CTNNA2: variants seen among roughly 807,000 people sequenced by gnomAD.
The protein encoded by CTNNA2 is catenin alpha 2.
A neutral mutation model predicts 101.0 loss-of-function variants in CTNNA2; 42 were observed. The ratio of observed to expected loss-of-function variants is 0.42; its 90% CI spans 0.32 to 0.54. CTNNA2 has a LOEUF of 0.54. Among genes scored for constraint, CTNNA2 ranks in the 20% least tolerant of loss-of-function variants. The pLI, the probability that CTNNA2 is intolerant of heterozygous loss-of-function variation, is 0.14. For synonymous variants in CTNNA2, 450 were observed against 456.4 expected (o/e 0.99, Z 0.18); for missense variants, 871 against 1,223.1 (o/e 0.71, Z 4.29).
intron 9 of CTNNA2, among the ~76,000 whole-genome samples, chr2:80,467,017 G>T (rs1438002623): frequency 1.3e-5 from 2 of 152,166 alleles, no homozygotes; most frequent in East Asian, 3.9e-4. Flanking sequence ...CATCAGTTTA[G>T]CCAAGGAGGT....
intron 1 of CTNNA2, among the ~76,000 whole-genome samples, chr2:79,639,570 GT>G (rs964723567): frequency 9.7e-4 from 147 of 151,122 alleles, no homozygotes; most frequent in African/African-American, 2.9e-3. Context: ...CTCATTAAAA[GT>G]TTTTTTTTCG....
At chr2:79,260,872 G>A (rs1674912754) in intron 2 of CTNNA2, among the ~76,000 whole-genome samples, 1 of 152,078 alleles carries the variant, frequency 6.6e-6, no homozygotes, top group Admixed American at 6.5e-5. Flanking sequence ...GGAAGAAGGG[G>A]GCATTCAAAT....
intron 2 of CTNNA2, among the ~76,000 whole-genome samples, chr2:79,660,325 A>T (rs1201800911): frequency 6.6e-6 from 1 of 150,508 alleles, no homozygotes; most frequent in South Asian, 2.1e-4. Flanking sequence ...ATACATATGT[A>T]TGTGTATGTA....
intron 7 of CTNNA2, among the ~76,000 whole-genome samples, chr2:79,999,002 G>A (rs1236378275): frequency 6.6e-6 from 1 of 152,056 alleles, no homozygotes; most frequent in African/African-American, 2.4e-5. Flanking sequence ...GACAATAGAA[G>A]TCTACTGTTC....
chr2:80,352,053 TG>T (rs769041880), intron 7 of CTNNA2, among the ~76,000 whole-genome samples: 3 of 152,068 alleles, frequency 2.0e-5, no homozygotes, highest in Non-Finnish European at 2.9e-5. Flanking sequence ...CTTCCCAGAG[TG>T]GAACCCTCAT....
At chr2:79,508,971 A>G (rs1281138240), upstream of CTNNA2, among the ~76,000 whole-genome samples, 10 of 21,616 alleles carry the variant, frequency 4.6e-4, no homozygotes, top group Non-Finnish European at 4.6e-4. Flanking sequence ...ATATATATAT[A>G]TATATATATA....
intron 1 of CTNNA2, among the ~76,000 whole-genome samples, chr2:79,551,245 A>G (rs184020114): frequency 3.7e-4 from 57 of 152,302 alleles, no homozygotes; most frequent in African/African-American, 1.3e-3. Context: ...TGCTTTTTCC[A>G]AAGAGGTTTT....
At chr2:80,156,235 C>G (rs2148936361) in intron 7 of CTNNA2, among the ~76,000 whole-genome samples, 1 of 152,294 alleles carries the variant, frequency 6.6e-6, no homozygotes, top group African/African-American at 2.4e-5. Flanking sequence ...TCATTTGAAA[C>G]TCACTGTGAA....
chr2:79,631,257 T>C (rs1679675117), intron 1 of CTNNA2, among the ~76,000 whole-genome samples: 1 of 152,204 alleles, frequency 6.6e-6, no homozygotes, highest in African/African-American at 2.4e-5. Flanking sequence ...AGTTGTCTAC[T>C]TGGGTGTGTA....
chr2:79,376,443 G>C (rs752271486), intron 4 of CTNNA2, among the ~76,000 whole-genome samples: 2 of 79,678 alleles, frequency 2.5e-5, no homozygotes, highest in Non-Finnish European at 5.2e-5. Flanking sequence ...ATAGCCCCTT[G>C]TTGGTTGGTT....
At chr2:79,884,301 A>G (rs939757897) in intron 6 of CTNNA2, among the ~76,000 whole-genome samples, 3 of 152,132 alleles carry the variant, frequency 2.0e-5, no homozygotes, top group African/African-American at 7.2e-5. Flanking sequence ...TAACAACCTA[A>G]AAAGAAAATA....
intron 7 of CTNNA2, among the ~76,000 whole-genome samples, chr2:80,070,590 A>C (rs1366155432): frequency 6.6e-6 from 1 of 151,978 alleles, no homozygotes; most frequent in Non-Finnish European, 1.5e-5. Flanking sequence ...GGTGGTGTGT[A>C]CTTGTAGTCC....
At chr2:80,536,303 T>C (rs1337136171) in intron 9 of CTNNA2, among the ~76,000 whole-genome samples, 3 of 152,170 alleles carry the variant, frequency 2.0e-5, no homozygotes, top group African/African-American at 7.2e-5. Flanking sequence ...CTCTCTGTGG[T>C]TTTATATGGC....
chr2:79,977,222 G>GCACGCA (rs1553419410), intron 7 of CTNNA2, among the ~76,000 whole-genome samples: 2 of 144,740 alleles, frequency 1.4e-5, no homozygotes, highest in Non-Finnish European at 3.0e-5. Flanking sequence ...GCATATGCAT[G>GCACGCA]CACACACACA....
intron 2 of CTNNA2, among the ~76,000 whole-genome samples, chr2:79,292,609 C>T (rs749947906): frequency 4.6e-5 from 7 of 152,096 alleles, no homozygotes; most frequent in African/African-American, 7.2e-5. Flanking sequence ...TACCCCATTT[C>T]CCAGGGAAGG....
intron 7 of CTNNA2, among the ~76,000 whole-genome samples, chr2:79,951,954 A>G (rs1344427573): frequency 6.6e-6 from 1 of 152,056 alleles, no homozygotes; most frequent in African/African-American, 2.4e-5. Flanking sequence ...AGTCTGTACC[A>G]TGGCTGCTCA....
At chr2:80,265,007 C>T (rs1466557377) in intron 7 of CTNNA2, among the ~76,000 whole-genome samples, 2 of 145,790 alleles carry the variant, frequency 1.4e-5, no homozygotes, top group Admixed American at 6.9e-5. Flanking sequence ...TGGAGTCTTG[C>T]TCTGTCACCC....
rs191978897 is a variant in CTNNA2 at position 79,614,668 on chromosome 2, C to A, written c.-5-36884C>A. 5.3e-5 allele frequency among the ~76,000 whole-genome samples: 8 copies of A among 152,218 alleles called. No individual in the cohort carries two copies. In the South Asian group the frequency reaches 1.2e-3, roughly 24 times the overall value. On this transcript the variant is annotated intron_variant, in intron 1 of 18. Coordinates refer to ENST00000402739, the MANE Select transcript of CTNNA2 (RefSeq NM_001282597.3). ...TATTCTTATTAACTACCTAACAACA[C>A]AGTTATGCTTTTTCCCAATATTTTT... is the stretch of plus-strand genomic sequence containing the variant.
chr2:79,823,859 A>G (rs866751978), intron 3 of CTNNA2, among the ~76,000 whole-genome samples: 60 of 152,164 alleles, frequency 3.9e-4, no homozygotes, highest in African/African-American at 1.4e-3. Flanking sequence ...GTAGATAAAA[A>G]CCTTACTACT....
Sources: allele counts gnomAD v4.1 joint callset (sites outside exome capture counted in the v4.1 genomes callset), GRCh38; gene constraint gnomAD v4.1.1; transcripts MANE v1.5; gene names NCBI Gene and HGNC (gene_info 2026-07-23, HGNC 2026-07-21).